IGSF10: variants seen among roughly 807,000 people sequenced by gnomAD.
The protein encoded by IGSF10 is calvaria mechanical force protein 608.
In IGSF10, 126 loss-of-function variants were observed where a neutral mutation model predicts 128.2. That is an observed-to-expected ratio of 0.98 (90% CI 0.85 to 1.14). The LOEUF (loss-of-function observed/expected upper bound fraction) is 1.14. Ranked by LOEUF, IGSF10 falls within the 50% of genes most tolerant of loss-of-function variation. IGSF10 has a pLI of 0.00. For missense variants in IGSF10, 3,295 were observed against 3,149.8 expected, an observed-to-expected ratio of 1.05 and a Z score of -1.10; for synonymous variants, 1,185 against 1,146.2, an observed-to-expected ratio of 1.03 and a Z score of -0.68.
chr3:151,515,504 C>T, the IGSF10 span, among the ~76,000 whole-genome samples: 3 of 149,456 alleles, frequency 2.0e-5, no homozygotes, highest in Admixed American at 6.7e-5. Flanking sequence ...AGCATTAGGA[C>T]ATATACCTAA....
Position 151,443,774 on chromosome 3 carries a change from C to T in IGSF10, c.5173G>A (p.Ala1725Thr), listed in dbSNP as rs779602494. The stretch of plus-strand genomic sequence containing the variant: ...TGGTCTGTGCCAAACAGATTGGATG[C>T]GGAACACAAGTACTGTCCGCGGTCC... ...IQDRGQYLCS[A>T]SNLFGTDHLH... The change falls in exon 7 of 8, where the codon GCA (alanine) becomes ACA (threonine). Residue 1725 changes from alanine to threonine, a missense_variant. By Grantham distance (58) the Ala-to-Thr change is moderately conservative. Transcript: ENST00000282466. 6.3e-5 allele frequency: 102 copies of T among 1,613,990 alleles called. No homozygotes were observed. Among genetic ancestry groups the T allele is most frequent in the South Asian group, 1.1e-4 (10 of 91,086 alleles).
chr3:151,452,353 T>C (rs948098169), intron 5 of IGSF10, among the ~76,000 whole-genome samples: 1 of 152,230 alleles, frequency 6.6e-6, no homozygotes, highest in Non-Finnish European at 1.5e-5. Context: ...CTACTGCTCC[T>C]AGGCTACAGA....
At chr3:151,432,864 T>G, downstream of IGSF10, 1 of 1,281,980 alleles carries the variant, frequency 7.8e-7, no homozygotes, top group Non-Finnish European at 1.1e-6. Context: ...AAAATCAAAT[T>G]TAATGCATTA....
chr3:151,530,744 T>C, the IGSF10 span, among the ~76,000 whole-genome samples: 410 of 152,238 alleles, frequency 2.7e-3, no homozygotes, highest in Non-Finnish European at 4.1e-3. Context: ...CAACCAGTAC[T>C]AGCCACTTCA....
At chr3:151,618,970 C>T in the IGSF10 span, among the ~76,000 whole-genome samples, 1 of 150,930 alleles carries the variant, frequency 6.6e-6, no homozygotes, top group Non-Finnish European at 1.5e-5. Context: ...TATTTATGTA[C>T]AAAGACCCTA....
At chr3:151,444,364 A>C (rs376969187) in intron 6 of IGSF10, among the ~76,000 whole-genome samples, 1 of 152,104 alleles carries the variant, frequency 6.6e-6, no homozygotes, top group African/African-American at 2.4e-5. Flanking sequence ...CTGGAGTGCA[A>C]TGGCACAATC....
chr3:151,458,066 A>G (rs957019058), intron 3 of IGSF10, among the ~76,000 whole-genome samples: 1 of 152,088 alleles, frequency 6.6e-6, no homozygotes, highest in Admixed American at 6.6e-5. Flanking sequence ...TCCATTTTAA[A>G]TAAGTTTGTA....
At chr3:151,559,308 C>A in the IGSF10 span, among the ~76,000 whole-genome samples, 1 of 152,150 alleles carries the variant, frequency 6.6e-6, no homozygotes, top group Non-Finnish European at 1.5e-5. Context: ...CAGTACCACA[C>A]CTCAAGGTCT....
At chr3:151,440,061 C>CA (rs1299907248) in intron 7 of IGSF10, among the ~76,000 whole-genome samples, 1 of 152,142 alleles carries the variant, frequency 6.6e-6, no homozygotes, top group Non-Finnish European at 1.5e-5. Context: ...GACAGGGTGT[C>CA]ACTCTGGAGC....
the IGSF10 span, among the ~76,000 whole-genome samples, chr3:151,604,871 A>G: frequency 6.6e-6 from 1 of 152,126 alleles, no homozygotes; most frequent in Non-Finnish European, 1.5e-5. Context: ...CATGTCTTTG[A>G]TTATAATATT....
the IGSF10 span, among the ~76,000 whole-genome samples, chr3:151,520,795 G>A: frequency 6.6e-6 from 1 of 151,664 alleles, no homozygotes; most frequent in East Asian, 1.9e-4. Flanking sequence ...CATAAGACCA[G>A]TGTCCCTATA....
the IGSF10 span, among the ~76,000 whole-genome samples, chr3:151,533,495 C>T: frequency 2.0e-3 from 304 of 152,194 alleles, no homozygotes; most frequent in Middle Eastern, 0.01. Flanking sequence ...TCAGAAATAA[C>T]GCCACACATC....
the IGSF10 span, among the ~76,000 whole-genome samples, chr3:151,595,884 C>A: frequency 2.0e-5 from 3 of 151,926 alleles, no homozygotes; most frequent in Non-Finnish European, 4.4e-5. Context: ...ATCCAATGTA[C>A]AACATGAGGA....
the IGSF10 span, among the ~76,000 whole-genome samples, chr3:151,592,227 C>CACAA: frequency 3.1e-5 from 1 of 32,728 alleles, no homozygotes; most frequent in East Asian, 9.8e-4. Context: ...TTAATACACA[C>CACAA]ACACACACAC....
At chr3:151,433,468 G>A (rs1560160633), downstream of IGSF10, 1 of 152,630 alleles carries the variant, frequency 6.6e-6, no homozygotes, top group Non-Finnish European at 1.5e-5. Context: ...CCTAAACCAA[G>A]GTTTCTTTGA....
chr3:151,559,814 G>C, the IGSF10 span, among the ~76,000 whole-genome samples: 7 of 152,140 alleles, frequency 4.6e-5, no homozygotes, highest in African/African-American at 1.7e-4. Flanking sequence ...TTAGCAAGAG[G>C]ACACCTGCTG....
intron 5 of IGSF10, among the ~76,000 whole-genome samples, chr3:151,452,231 C>T (rs1362967473): frequency 1.3e-5 from 2 of 152,172 alleles, no homozygotes; most frequent in Non-Finnish European, 2.9e-5. Context: ...ACAACAGGGA[C>T]ACATTCTGAA....
the IGSF10 span, among the ~76,000 whole-genome samples, chr3:151,543,643 A>C: frequency 6.6e-6 from 1 of 152,154 alleles, no homozygotes; most frequent in African/African-American, 2.4e-5. Context: ...GCCCCTGTGC[A>C]CAGTGTCAGC....
At chr3:151,478,776 T>C in the IGSF10 span, among the ~76,000 whole-genome samples, 4 of 152,128 alleles carry the variant, frequency 2.6e-5, no homozygotes, top group Non-Finnish European at 5.9e-5. Context: ...GGCCCATCCT[T>C]AGGGACTAAA....
Sources: gnomAD v4.1 joint callset for allele counts (sites outside exome capture counted in the v4.1 genomes callset) on GRCh38, gnomAD v4.1.1 for gene constraint, MANE v1.5 for transcripts, NCBI Gene and HGNC (gene_info 2026-07-23, HGNC 2026-07-21) for gene names.